The following CCBE1 variants were observed in gnomAD, a reference collection of about 807,000 sequenced individuals.
CCBE1 encodes the protein collagen and calcium binding EGF domains 1, also known as collagen and calcium-binding EGF domain-containing protein 1.
Under a neutral mutation model 50.0 loss-of-function variants are expected in CCBE1, and 37 were observed. The observed-to-expected ratio is 0.74, with a 90% CI of 0.57 to 0.97. The LOEUF is 0.97. Among genes scored for constraint, CCBE1 ranks in the 50% least tolerant of loss-of-function variants. CCBE1 has a pLI of 0.00. For synonymous variants in CCBE1, 234 were observed against 203.7 expected (o/e 1.15, Z -1.27); for missense variants, 538 against 523.8 (o/e 1.03, Z -0.26).
At chr18:59,608,410 G>C (rs1355786878) in intron 2 of CCBE1, among the ~76,000 whole-genome samples, 4 of 152,168 alleles carry the variant, frequency 2.6e-5, no homozygotes, top group Non-Finnish European at 5.9e-5. Flanking sequence ...AAGTGTTGAT[G>C]CAAGACAAAA....
chr18:59,456,023 G>T (rs1304496556), intron 5 of CCBE1, among the ~76,000 whole-genome samples: 1 of 152,124 alleles, frequency 6.6e-6, no homozygotes, highest in African/African-American at 2.4e-5. Context: ...CTTCTGCAAA[G>T]CCCTCTGTTC....
rs1331182973 is a variant in CCBE1 at position 59,667,797 on chromosome 18, G to A, written c.212+28832C>T. Among the ~76,000 whole-genome samples the A allele has an allele frequency of 2.6e-5, 4 of 152,264 alleles. No homozygotes were observed. The East Asian group carries it at 7.7e-4, about 29-fold the overall frequency. ...GGAAAGAATGGGGAGTGGGTGTAGA[G>A]TGGCAGAGAATATGCAGCACAAGAA... is the stretch of plus-strand genomic sequence containing the variant. On this transcript the variant is annotated intron_variant, in intron 2 of 10. Transcript: ENST00000439986.
chr18:59,583,214 A>G (rs2053112468), intron 2 of CCBE1, among the ~76,000 whole-genome samples: 1 of 152,200 alleles, frequency 6.6e-6, no homozygotes, highest in African/African-American at 2.4e-5. Flanking sequence ...CACTTTTACT[A>G]AATTGAAACT....
chr18:59,510,046 A>G (rs1211990677), intron 2 of CCBE1, among the ~76,000 whole-genome samples: 1 of 152,226 alleles, frequency 6.6e-6, no homozygotes, highest in Non-Finnish European at 1.5e-5. Flanking sequence ...GGGAGTTCAA[A>G]TTGTGAAATG....
chr18:59,489,563 G>A (rs941913934), intron 2 of CCBE1, among the ~76,000 whole-genome samples: 1 of 152,022 alleles, frequency 6.6e-6, no homozygotes, highest in African/African-American at 2.4e-5. Context: ...ACTGGGATGT[G>A]CCACCATACC....
chr18:59,516,240 G>GT (rs71336343), intron 2 of CCBE1, among the ~76,000 whole-genome samples: 3,337 of 148,298 alleles, frequency 0.023, 143 homozygotes, highest in East Asian at 0.21. Context: ...ATTACAGTTT[G>GT]TTTTTTTTTT....
chr18:59,583,943 G>A (rs186336069), intron 2 of CCBE1, among the ~76,000 whole-genome samples: 125 of 152,180 alleles, frequency 8.2e-4, no homozygotes, highest in Non-Finnish European at 1.5e-3. Flanking sequence ...TCAGTGTGGC[G>A]ATTCCTCAGG....
At chr18:59,507,437 G>A (rs1442119758) in intron 2 of CCBE1, among the ~76,000 whole-genome samples, 1 of 152,230 alleles carries the variant, frequency 6.6e-6, no homozygotes, top group Non-Finnish European at 1.5e-5. Context: ...AAGGCAATAT[G>A]ACCTTCCTCA....
At chr18:59,502,929 T>C (rs900946286) in intron 2 of CCBE1, among the ~76,000 whole-genome samples, 1 of 152,184 alleles carries the variant, frequency 6.6e-6, no homozygotes, top group Admixed American at 6.5e-5. Context: ...TAACGCATAA[T>C]AAATCCCCTT....
At chr18:59,440,907 G>A (rs1011359674) in intron 7 of CCBE1, among the ~76,000 whole-genome samples, 3 of 152,216 alleles carry the variant, frequency 2.0e-5, no homozygotes, top group Non-Finnish European at 4.4e-5. Flanking sequence ...AGGTGTGTGT[G>A]TAGGGGCTGC....
chr18:59,603,562 C>A (rs895167542), intron 2 of CCBE1, among the ~76,000 whole-genome samples: 3 of 152,126 alleles, frequency 2.0e-5, no homozygotes, highest in African/African-American at 7.2e-5. Context: ...TTTTGCTCAT[C>A]TTTAAGTAAT....
In CCBE1 at chr18:59,432,661, T is replaced by G. The variant is rs1909983444; in HGVS notation, c.*3247A>C. 1 of 152,368 alleles carries G rather than the reference T, an allele frequency of 6.6e-6. No homozygotes were observed. The highest frequency in any genetic ancestry group is 1.9e-4 in the East Asian group (1 of 5,194). The allele number at this position is 152,368 out of a possible 1,614,324, so 9.4% of individuals were successfully genotyped here. On this transcript the variant is annotated 3_prime_UTR_variant, in exon 11 of 11. Coordinates refer to ENST00000439986, the MANE Select transcript of CCBE1 (RefSeq NM_133459.4). Reference sequence around the variant, plus strand: ...TTAAAAATTATTTTCTAAATTAACTTGGTCCAGCAGATTGACATTATAAAA... The same window carrying G: ...TTAAAAATTATTTTCTAAATTAACTGGGTCCAGCAGATTGACATTATAAAA...
chr18:59,561,688 A>T (rs909720703), intron 2 of CCBE1, among the ~76,000 whole-genome samples: 6 of 152,040 alleles, frequency 3.9e-5, no homozygotes, highest in Non-Finnish European at 7.4e-5. Flanking sequence ...AGAGTAAGAG[A>T]GTGGAATGGA....
intron 2 of CCBE1, among the ~76,000 whole-genome samples, chr18:59,495,739 T>C (rs1237117353): frequency 6.6e-6 from 1 of 152,128 alleles, no homozygotes; most frequent in Non-Finnish European, 1.5e-5. Context: ...TGATGTGCCT[T>C]TAGATGTGGC....
At chr18:59,640,148 T>C (rs1023894521) in intron 2 of CCBE1, among the ~76,000 whole-genome samples, 3 of 152,142 alleles carry the variant, frequency 2.0e-5, no homozygotes, top group African/African-American at 4.8e-5. Context: ...TAAAATTCAT[T>C]ATGGAGCCAA....
At chr18:59,531,072 C>A (rs1915029141) in intron 2 of CCBE1, among the ~76,000 whole-genome samples, 1 of 152,134 alleles carries the variant, frequency 6.6e-6, no homozygotes, top group Admixed American at 6.5e-5. Flanking sequence ...TCAGTTGGAG[C>A]ATCCCCTAGA....
chr18:59,581,394 T>C (rs2053081951), intron 2 of CCBE1, among the ~76,000 whole-genome samples: 1 of 147,588 alleles, frequency 6.8e-6, no homozygotes, highest in African/African-American at 2.5e-5. Context: ...TGAGCCGAGA[T>C]CACGCCACTG....
chr18:59,549,102 C>A (rs1381579770), intron 2 of CCBE1, among the ~76,000 whole-genome samples: 201 of 115,656 alleles, frequency 1.7e-3, no homozygotes, highest in Middle Eastern at 4.6e-3. Flanking sequence ...GACTCCGTCT[C>A]AAAAAAAAAA....
intron 2 of CCBE1, among the ~76,000 whole-genome samples, chr18:59,646,168 T>C (rs181643799): frequency 2.2e-4 from 33 of 152,334 alleles, no homozygotes; most frequent in African/African-American, 7.7e-4. Context: ...AGGGAATAAG[T>C]TGAAGTTGCA....
Sources: gnomAD v4.1 joint callset for allele counts (sites outside exome capture counted in the v4.1 genomes callset) on GRCh38, gnomAD v4.1.1 for gene constraint, MANE v1.5 for transcripts, NCBI Gene and HGNC (gene_info 2026-07-23, HGNC 2026-07-21) for gene names.